Variants in PKHD1 observed in about 807,000 individuals in gnomAD.
The protein encoded by PKHD1 is fibrocystin.
A neutral mutation model predicts 412.0 loss-of-function variants in PKHD1; 291 were observed. The ratio of observed to expected loss-of-function variants is 0.71; its 90% CI spans 0.64 to 0.78. PKHD1 has a LOEUF of 0.78. PKHD1 is among the 30% of genes least tolerant of loss of function. PKHD1 has a pLI of 0.00. For missense variants in PKHD1, 4,825 were observed against 4,950.7 expected (o/e 0.97, Z 0.76); for synonymous variants, 1,777 against 1,821.5 (o/e 0.98, Z 0.62).
chr6:52,054,395 G>A (rs549523791), intron 19 of PKHD1, among the ~76,000 whole-genome samples: 4 of 152,144 alleles, frequency 2.6e-5, no homozygotes, highest in East Asian at 1.9e-4. Context: ...CTTTTTCTGA[G>A]ACCAAAAAAA....
rs1160563210 is a variant in PKHD1 at position 51,649,229 on chromosome 6, T to C, written c.11175-9A>G. ...TAAAACTGCTTGTATTTCTGACAGA[T>C]ATAAAAACAAACAAAATACATCCTT... On this transcript the variant is annotated splice_polypyrimidine_tract_variant and intron_variant, in intron 61 of 66. Transcript: ENST00000371117. The C allele has an allele frequency of 5.6e-6, 9 of 1,602,866 alleles. No individual in the cohort carries two copies. Among genetic ancestry groups the C allele is most frequent in the Non-Finnish European group, 6.8e-6 (8 of 1,170,216 alleles).
intron 15 of PKHD1, 32 bp from the exon 16 acceptor site, chr6:52,058,633 C>G (rs753208274): frequency 9.3e-6 from 15 of 1,605,540 alleles, no homozygotes; most frequent in Non-Finnish European, 1.3e-5. Context: ...ATGATCAATA[C>G]TATGCAGCTT....
chr6:52,005,697 C>T (rs1798962456), intron 35 of PKHD1, among the ~76,000 whole-genome samples: 1 of 152,158 alleles, frequency 6.6e-6, no homozygotes, highest in East Asian at 1.9e-4. Flanking sequence ...CAGATGCCAG[C>T]CCCAAGAGAA....
intron 35 of PKHD1, among the ~76,000 whole-genome samples, chr6:51,993,353 C>T (rs547076862): frequency 6.6e-6 from 1 of 152,224 alleles, no homozygotes; most frequent in African/African-American, 2.4e-5. Flanking sequence ...CTGTTCCTGA[C>T]GTCTCATTAT....
intron 49 of PKHD1, among the ~76,000 whole-genome samples, chr6:51,851,908 A>G (rs184192901): frequency 1.5e-4 from 23 of 151,056 alleles, no homozygotes; most frequent in African/African-American, 5.3e-4. Context: ...AACTCCTTCA[A>G]TTCTTCTCCG....
chr6:51,952,291 T>G (rs1362912449), intron 36 of PKHD1, among the ~76,000 whole-genome samples: 1 of 152,214 alleles, frequency 6.6e-6, no homozygotes, highest in African/African-American at 2.4e-5. Flanking sequence ...AATTGGTCAC[T>G]GTCTGGACTA....
At chr6:51,689,865 A>T (rs751716138) in intron 60 of PKHD1, among the ~76,000 whole-genome samples, 1 of 152,214 alleles carries the variant, frequency 6.6e-6, no homozygotes, top group Non-Finnish European at 1.5e-5. Context: ...AAATGGAAAA[A>T]CATTCCATGC....
In PKHD1 at chr6:51,748,417, GA is replaced by G; in HGVS notation, c.9198del (p.Leu3067Ter). On this transcript the variant is annotated frameshift_variant, in exon 58 of 67. Transcript: ENST00000371117. LOFTEE classifies it high-confidence loss of function. ...QAYTVTNNLV[V>X]LMTQPAWSTI... ...GTGGACCACGCTGGCTGTGTCATCA[GA>G]ACCACAAGGTTATTAGTGACAGTAT... 1 of 1,614,008 alleles carries G rather than the reference GA, an allele frequency of 6.2e-7. No individual in the cohort carries two copies. Among genetic ancestry groups the G allele is most frequent in the Non-Finnish European group, 8.5e-7 (1 of 1,179,956 alleles).
Position 51,659,248 on chromosome 6 carries a change from A to G in PKHD1, c.10878T>C (p.Thr3626=), listed in dbSNP as rs1772413256. 1 of 1,613,760 alleles carries G rather than the reference A, an allele frequency of 6.2e-7. No individual in the cohort carries two copies. Among genetic ancestry groups the G allele is most frequent in the South Asian group, 1.1e-5 (1 of 91,082 alleles). Residue 3626 remains threonine, a synonymous_variant, in exon 61 of 67, where the codon ACT becomes ACC. Transcript: ENST00000371117. ...AKRKRNCPTV[T]CTSHYRRVGQ... ...CAACTCTTCTATAATGACTAGTGCA[A>G]GTCACAGTAGGGCAATTGCGCTTTC...
chr6:51,722,061 C>G, intron 60 of PKHD1: 12 of 1,613,330 alleles, frequency 7.4e-6, no homozygotes, highest in Non-Finnish European at 1.0e-5. Context: ...ATTGAAGGCT[C>G]TCCAAAAATA....
At chr6:51,857,227 C>T (rs949987142) in intron 48 of PKHD1, among the ~76,000 whole-genome samples, 1 of 149,522 alleles carries the variant, frequency 6.7e-6, no homozygotes, top group African/African-American at 2.5e-5. Context: ...AAAAAAAAAT[C>T]AATACACATT....
intron 47 of PKHD1, 21 bp from the exon 48 acceptor site, chr6:51,868,130 A>G: frequency 6.2e-7 from 1 of 1,600,554 alleles, no homozygotes; most frequent in Non-Finnish European, 8.6e-7. Flanking sequence ...GAAAACAGAA[A>G]GATTATTACA....
chr6:51,982,178 AG>A (rs1583696878), intron 35 of PKHD1, among the ~76,000 whole-genome samples: 2 of 42,940 alleles, frequency 4.7e-5, no homozygotes, highest in African/African-American at 1.5e-4. Flanking sequence ...CCCGTCCGGG[AG>A]GGAGGTGGGG....
intron 51 of PKHD1, among the ~76,000 whole-genome samples, chr6:51,834,062 C>A (rs1165767886): frequency 6.6e-6 from 1 of 152,054 alleles, no homozygotes; most frequent in Non-Finnish European, 1.5e-5. Context: ...CTTCATCAAC[C>A]CAGGTTTTCA....
Position 51,616,845 on chromosome 6 carries a change from A to G in PKHD1, c.*2236T>C, listed in dbSNP as rs1766109563. On this transcript the variant is annotated 3_prime_UTR_variant, in exon 67 of 67. Coordinates refer to ENST00000371117, the MANE Select transcript of PKHD1 (RefSeq NM_138694.4). ...GGAAGAAGGGTAAAGAAGGGGCAGA[A>G]ATAACAGAGCTGGCAGCTAACTCTT... 2 of 393,356 alleles carry G rather than the reference A, an allele frequency of 5.1e-6. No individual in the cohort carries two copies. The highest frequency in any genetic ancestry group is 4.4e-5 in the Admixed American group (1 of 22,618). 24.4% of individuals were successfully genotyped at this position (393,356 alleles called of 1,614,324 possible).
chr6:51,761,099 C>T (rs897235783), intron 55 of PKHD1, among the ~76,000 whole-genome samples: 5 of 152,036 alleles, frequency 3.3e-5, no homozygotes, highest in Non-Finnish European at 7.4e-5. Context: ...GATATGAAAT[C>T]AGTATGTCTG....
chr6:51,703,378 A>AT (rs1018656029), intron 60 of PKHD1, among the ~76,000 whole-genome samples: 3 of 151,676 alleles, frequency 2.0e-5, no homozygotes, highest in Admixed American at 6.6e-5. Context: ...TTATTTCTAT[A>AT]TTTTTTTTAC....
chr6:51,659,383 G>C lies in PKHD1; in HGVS notation c.10743C>G (p.Leu3581=), dbSNP rs770308751. The change falls in exon 61 of 67, where the codon CTC becomes CTG. Residue 3581 remains leucine, a synonymous_variant. Coordinates refer to ENST00000371117, the MANE Select transcript of PKHD1 (RefSeq NM_138694.4). ...TCTGTAAGAAGTTAGTTAGTCTTTCGAGTATTACTATTTCCCAGCCTTTTT... is the reference window on the plus strand; with the variant it reads ...TCTGTAAGAAGTTAGTTAGTCTTTCCAGTATTACTATTTCCCAGCCTTTTT... ...VLEKGWEIVI[L]ERLTNFLQIG... 1.2e-6 allele frequency: 2 copies of C among 1,613,648 alleles called. No individual in the cohort carries two copies. Among genetic ancestry groups the C allele is most frequent in the Non-Finnish European group, 1.7e-6 (2 of 1,179,822 alleles).
intron 60 of PKHD1, among the ~76,000 whole-genome samples, chr6:51,669,136 T>C (rs1363110814): frequency 6.6e-6 from 1 of 152,156 alleles, no homozygotes; most frequent in Non-Finnish European, 1.5e-5. Context: ...AGTTCCTCCT[T>C]GTACCTCTGG....
Sources: gnomAD v4.1 joint callset for allele counts (sites outside exome capture counted in the v4.1 genomes callset) on GRCh38, gnomAD v4.1.1 for gene constraint, MANE v1.5 for transcripts, NCBI Gene and HGNC (gene_info 2026-07-23, HGNC 2026-07-21) for gene names.